Variants in THSD4 observed in about 807,000 individuals in gnomAD.
THSD4 encodes thrombospondin type 1 domain containing 4.
Under a neutral mutation model 119.0 loss-of-function variants are expected in THSD4, and 69 were observed. The observed-to-expected ratio is 0.58, with a 90% CI of 0.48 to 0.71. The LOEUF is 0.71. THSD4 is among the 30% of genes least tolerant of loss of function. The pLI is 0.00. For missense variants in THSD4, 1,393 were observed against 1,391.1 expected (o/e 1.00, Z -0.02); for synonymous variants, 524 against 540.4 (o/e 0.97, Z 0.42).
chr15:71,336,268 G>A (rs2140380943), intron 6 of THSD4, among the ~76,000 whole-genome samples: 1 of 152,300 alleles, frequency 6.6e-6, no homozygotes, highest in Non-Finnish European at 1.5e-5. Flanking sequence ...CAAAGATACA[G>A]GGAAGGAAGT....
intron 8 of THSD4, among the ~76,000 whole-genome samples, chr15:71,672,426 C>T (rs560627102): frequency 1.3e-5 from 2 of 152,306 alleles, no homozygotes; most frequent in East Asian, 3.9e-4. Context: ...ATCATGTCAT[C>T]TGCAAACAGG....
intron 8 of THSD4, among the ~76,000 whole-genome samples, chr15:71,711,726 A>T (rs995558737): frequency 6.6e-6 from 1 of 152,164 alleles, no homozygotes; most frequent in Non-Finnish European, 1.5e-5. Flanking sequence ...TATTTCGGGG[A>T]AATACTAATC....
chr15:71,386,969 A>G (rs138205774), intron 6 of THSD4, among the ~76,000 whole-genome samples: 3 of 152,336 alleles, frequency 2.0e-5, no homozygotes, highest in African/African-American at 7.2e-5. Flanking sequence ...TTTGCATTAC[A>G]CTGCTTGCTA....
At chr15:71,700,196 C>A (rs7165689) in intron 8 of THSD4, among the ~76,000 whole-genome samples, 55,811 of 151,930 alleles carry the variant, frequency 0.37, 11,313 homozygotes, top group African/African-American at 0.53. Context: ...AAAATTATTG[C>A]CAACTTATGA....
intron 7 of THSD4, among the ~76,000 whole-genome samples, chr15:71,440,001 A>T (rs2047068625): frequency 6.6e-6 from 1 of 152,132 alleles, no homozygotes; most frequent in African/African-American, 2.4e-5. Flanking sequence ...GTACCCCAGA[A>T]CTTAAAGTAT....
At chr15:71,199,562 GGTGTGTGTGTAGTGT>G (rs2043756071) in intron 3 of THSD4, among the ~76,000 whole-genome samples, 1 of 143,986 alleles carries the variant, frequency 6.9e-6, no homozygotes, top group African/African-American at 2.7e-5. Flanking sequence ...GTGTGTATGT[GGTGTGTGTGTAGTGT>G]GTGTGTGTGG....
intron 7 of THSD4, among the ~76,000 whole-genome samples, chr15:71,414,844 T>A (rs2046737842): frequency 6.6e-6 from 1 of 152,232 alleles, no homozygotes; most frequent in African/African-American, 2.4e-5. Flanking sequence ...TTACTAGGAC[T>A]ACTGGATACT....
intron 6 of THSD4, among the ~76,000 whole-genome samples, chr15:71,281,492 C>T (rs576694574): frequency 6.6e-6 from 1 of 152,292 alleles, no homozygotes; most frequent in African/African-American, 2.4e-5. Flanking sequence ...ATGTATGCCT[C>T]AGGAATGTCA....
At chr15:71,284,789 G>T (rs916737662) in intron 6 of THSD4, among the ~76,000 whole-genome samples, 2 of 151,566 alleles carry the variant, frequency 1.3e-5, no homozygotes, top group Admixed American at 6.6e-5. Context: ...TTGTATCCAG[G>T]TCTTTACTTT....
At chr15:71,734,968 T>A (rs747882235) in intron 10 of THSD4, among the ~76,000 whole-genome samples, 7 of 152,152 alleles carry the variant, frequency 4.6e-5, no homozygotes, top group Non-Finnish European at 8.8e-5. Context: ...CAATCTCAGA[T>A]GTGCAAGGAA....
chr15:71,494,288 A>T lies in THSD4; in HGVS notation c.1152+82465A>T, dbSNP rs552048697. 3.7e-4 allele frequency among the ~76,000 whole-genome samples: 57 copies of T among 152,184 alleles called. 1 individual carries two copies. Among genetic ancestry groups the T allele is most frequent in the South Asian group, 2.1e-4 (1 of 4,824 alleles). On this transcript the variant is annotated intron_variant, in intron 7 of 17. Transcript: ENST00000261862. Reference sequence around the variant, plus strand: ...AAATAGGTGAATACTAACTTTTTTTAAAAAAAGGACGGAGCTCATCTCTGT... The same window carrying T: ...AAATAGGTGAATACTAACTTTTTTTTAAAAAAGGACGGAGCTCATCTCTGT...
chr15:71,104,718 G>T (rs1478351850), intron 1 of THSD4, among the ~76,000 whole-genome samples: 1 of 152,178 alleles, frequency 6.6e-6, no homozygotes, highest in Non-Finnish European at 1.5e-5. Context: ...GCCCGAAAAG[G>T]TGTGATATCT....
At chr15:71,751,883 C>T (rs144234657) in intron 14 of THSD4, among the ~76,000 whole-genome samples, 1 of 152,220 alleles carries the variant, frequency 6.6e-6, no homozygotes, top group East Asian at 1.9e-4. Flanking sequence ...AGTAAGTGTT[C>T]TTGTGCATAA....
At chr15:71,261,460 G>A (rs968787587) in intron 6 of THSD4, among the ~76,000 whole-genome samples, 2 of 152,132 alleles carry the variant, frequency 1.3e-5, no homozygotes, top group African/African-American at 4.8e-5. Flanking sequence ...TCAACAGGAC[G>A]CCAACCAGTT....
intron 9 of THSD4, chr15:71,729,718 G>A (rs535544079): frequency 1.3e-5 from 2 of 152,140 alleles, no homozygotes; most frequent in South Asian, 4.2e-4. Flanking sequence ...TACTGTGGGT[G>A]GTCTAGGAAT....
intron 6 of THSD4, among the ~76,000 whole-genome samples, chr15:71,260,739 A>C (rs1394133864): frequency 6.6e-6 from 1 of 152,092 alleles, no homozygotes; most frequent in Non-Finnish European, 1.5e-5. Context: ...TTGAGCTTGC[A>C]ATCATACTGG....
chr15:71,214,976 CT>C, intron 3 of THSD4, 58 bp from the exon 4 acceptor site: 1 of 1,226,062 alleles, frequency 8.2e-7, no homozygotes, highest in Non-Finnish European at 1.0e-6. Context: ...CTGCTCAAAG[CT>C]TTTCGGGTGA....
chr15:71,371,608 C>G (rs2046050175), intron 6 of THSD4, among the ~76,000 whole-genome samples: 1 of 152,160 alleles, frequency 6.6e-6, no homozygotes, highest in Admixed American at 6.5e-5. Flanking sequence ...ATATGGACCC[C>G]CACTGACTTC....
chr15:71,435,643 A>G (rs2047003344), intron 7 of THSD4, among the ~76,000 whole-genome samples: 1 of 152,150 alleles, frequency 6.6e-6, no homozygotes, highest in African/African-American at 2.4e-5. Flanking sequence ...ATCCTCCCCA[A>G]AATTTACTCC....
Sources: gnomAD v4.1 joint callset for allele counts (sites outside exome capture counted in the v4.1 genomes callset) on GRCh38, gnomAD v4.1.1 for gene constraint, MANE v1.5 for transcripts, NCBI Gene and HGNC (gene_info 2026-07-23, HGNC 2026-07-21) for gene names.